Variants in ULK4 observed in about 807,000 individuals in gnomAD.
The protein encoded by ULK4 is unc-51 like kinase 4.
In ULK4, 133 loss-of-function variants were observed where a neutral mutation model predicts 160.6. The observed-to-expected ratio is 0.83, with a 90% CI of 0.72 to 0.96. The LOEUF (loss-of-function observed/expected upper bound fraction) is 0.96. ULK4 is among the 40% of genes least tolerant of loss of function. The pLI is 0.00. For synonymous variants in ULK4, 534 were observed against 539.8 expected (o/e 0.99, Z 0.15); for missense variants, 1,580 against 1,499.5 (o/e 1.05, Z -0.89).
intron 21 of ULK4, among the ~76,000 whole-genome samples, chr3:41,767,432 T>C (rs113521625): frequency 1.6e-4 from 24 of 152,332 alleles, no homozygotes; most frequent in African/African-American, 5.5e-4. Flanking sequence ...CCCACACTTC[T>C]ACTTCCCAAT....
chr3:41,897,562 T>C (rs1032432665), intron 14 of ULK4, among the ~76,000 whole-genome samples: 1 of 152,192 alleles, frequency 6.6e-6, no homozygotes, highest in African/African-American at 2.4e-5. Context: ...ACAAAATAAA[T>C]TGTAAATATA....
intron 35 of ULK4, among the ~76,000 whole-genome samples, chr3:41,360,157 AT>A (rs1259890911): frequency 6.6e-6 from 1 of 152,206 alleles, no homozygotes; most frequent in Non-Finnish European, 1.5e-5. Flanking sequence ...GCCAACAAAC[AT>A]GAAAAAAAGC....
rs577934900 is a variant in ULK4 at position 41,388,346 on chromosome 3, T to C, written c.3678+9733A>G. ...GGTTGCCTGTTCACTCTGATGGTAG[T>C]TTCTTTTGCTGTGCAGAAGCTCTTT... On this transcript the variant is annotated intron_variant, in intron 35 of 36. Coordinates refer to ENST00000301831, the MANE Select transcript of ULK4 (RefSeq NM_017886.4). Among the ~76,000 whole-genome samples the C allele has an allele frequency of 1.4e-3, 210 of 152,102 alleles. 2 individuals are homozygous for C. The highest frequency in any genetic ancestry group is 4.8e-3 in the African/African-American group (199 of 41,440).
At chr3:41,669,851 A>G (rs1012969057) in intron 29 of ULK4, among the ~76,000 whole-genome samples, 1 of 151,988 alleles carries the variant, frequency 6.6e-6, no homozygotes, top group African/African-American at 2.4e-5. Context: ...CAATAACAAT[A>G]CAATGTCAAG....
chr3:41,758,723 A>C (rs1246753393), intron 21 of ULK4, among the ~76,000 whole-genome samples: 3 of 152,228 alleles, frequency 2.0e-5, no homozygotes, highest in South Asian at 2.1e-4. Flanking sequence ...AATACAAAAA[A>C]TTAACAGGGC....
chr3:41,543,221 T>G (rs1301982489), intron 32 of ULK4, among the ~76,000 whole-genome samples: 3 of 152,032 alleles, frequency 2.0e-5, no homozygotes, highest in Non-Finnish European at 4.4e-5. Flanking sequence ...GTCTCATCAT[T>G]ATAGTACGGG....
At chr3:41,407,169 A>G (rs1212662483) in intron 34 of ULK4, among the ~76,000 whole-genome samples, 1 of 152,208 alleles carries the variant, frequency 6.6e-6, no homozygotes, top group Admixed American at 6.5e-5. Flanking sequence ...GCACATTATC[A>G]ATTAAAGAAA....
At chr3:41,507,875 C>G (rs2085448739) in intron 32 of ULK4, among the ~76,000 whole-genome samples, 1 of 152,154 alleles carries the variant, frequency 6.6e-6, no homozygotes, top group South Asian at 2.1e-4. Flanking sequence ...TGTGGAGATA[C>G]ATTGTGAACA....
At chr3:41,737,320 T>C (rs914121243) in intron 22 of ULK4, among the ~76,000 whole-genome samples, 1 of 151,922 alleles carries the variant, frequency 6.6e-6, no homozygotes, top group East Asian at 1.9e-4. Context: ...ATGTCAAGGA[T>C]CTCTTCAAGG....
intron 30 of ULK4, among the ~76,000 whole-genome samples, chr3:41,645,805 C>T (rs759087155): frequency 8.5e-5 from 13 of 152,082 alleles, no homozygotes; most frequent in Non-Finnish European, 1.5e-4. Context: ...CAAAGTCTCC[C>T]ATTATTATTG....
chr3:41,873,224 C>CTTTTTT (rs1173793427), intron 17 of ULK4, among the ~76,000 whole-genome samples: 1 of 106,314 alleles, frequency 9.4e-6, no homozygotes, highest in Admixed American at 8.9e-5. Flanking sequence ...AGTTGCCTTT[C>CTTTTTT]TTTTTTTTTT....
chr3:41,553,176 T>C (rs1648821362), intron 32 of ULK4, among the ~76,000 whole-genome samples: 1 of 151,980 alleles, frequency 6.6e-6, no homozygotes, highest in South Asian at 2.1e-4. Context: ...AGATAATTCT[T>C]CAGGACATTG....
intron 35 of ULK4, among the ~76,000 whole-genome samples, chr3:41,368,269 T>C (rs1011767021): frequency 1.3e-5 from 2 of 152,084 alleles, no homozygotes; most frequent in Non-Finnish European, 2.9e-5. Context: ...CAGGATGGTC[T>C]CAATCTCCTG....
intron 30 of ULK4, among the ~76,000 whole-genome samples, chr3:41,648,085 C>T (rs1158626900): frequency 6.6e-6 from 1 of 152,214 alleles, no homozygotes; most frequent in Non-Finnish European, 1.5e-5. Context: ...CCCGATTTTC[C>T]AGGTGCCGTC....
chr3:41,910,334 C>T (rs1389276401), intron 11 of ULK4, among the ~76,000 whole-genome samples: 1 of 152,176 alleles, frequency 6.6e-6, no homozygotes, highest in Non-Finnish European at 1.5e-5. Flanking sequence ...CACTGTGGCT[C>T]ATGTGTGTAA....
chr3:41,518,015 G>A (rs868696307), intron 32 of ULK4, among the ~76,000 whole-genome samples: 42 of 152,296 alleles, frequency 2.8e-4, no homozygotes, highest in African/African-American at 8.9e-4. Context: ...AATCAGAACC[G>A]TGTCTAACGG....
chr3:41,491,352 A>C (rs1262901910), intron 32 of ULK4, among the ~76,000 whole-genome samples: 1 of 152,198 alleles, frequency 6.6e-6, no homozygotes. Context: ...GAAAACTGCC[A>C]AAGAAGGTAA....
chr3:41,311,743 C>A (rs1241199492), intron 35 of ULK4, among the ~76,000 whole-genome samples: 1 of 151,208 alleles, frequency 6.6e-6, no homozygotes, highest in East Asian at 2.0e-4. Flanking sequence ...TAATTTTTTG[C>A]ATTTTTAGTA....
intron 35 of ULK4, among the ~76,000 whole-genome samples, chr3:41,387,786 G>C (rs911858235): frequency 8.5e-5 from 13 of 152,220 alleles, no homozygotes; most frequent in African/African-American, 2.9e-4. Context: ...TTGGACATTT[G>C]GGTTGGTTCC....
Sources: allele counts gnomAD v4.1 joint callset (sites outside exome capture counted in the v4.1 genomes callset), GRCh38; gene constraint gnomAD v4.1.1; transcripts MANE v1.5; gene names NCBI Gene and HGNC (gene_info 2026-07-23, HGNC 2026-07-21).